Variants in SLC38A8 observed in about 807,000 individuals in gnomAD.
SLC38A8 encodes solute carrier family 38 member 8, also known as amino acid transporter SLC38A8.
In SLC38A8, 65 loss-of-function variants were observed where a neutral mutation model predicts 46.0. That is an observed-to-expected ratio of 1.41 (90% CI 1.16 to 1.74). The LOEUF is 1.74. Among genes scored for constraint, SLC38A8 ranks in the 40% most tolerant of loss-of-function variants. The pLI is 0.00. For missense variants in SLC38A8, 998 were observed against 567.9 expected (o/e 1.76, Z -7.70); for synonymous variants, 447 against 243.7 (o/e 1.83, Z -7.77).
At chr16:84,016,367 T>C (rs757782336) in intron 9 of SLC38A8, 152 bp downstream of exon 9, 160 of 781,846 alleles carry the variant, frequency 2.0e-4, no homozygotes, top group Non-Finnish European at 3.0e-4. Context: ...AGCCTGTGCC[T>C]GGCTCAATAA....
chr16:84,032,510 C>A lies in SLC38A8; in HGVS notation c.531-542G>T, dbSNP rs148328778. On this transcript the variant is annotated intron_variant, in intron 4 of 10. Coordinates refer to ENST00000299709, the MANE Select transcript of SLC38A8 (RefSeq NM_001080442.3). ...GTGTAGAATTCTTAATGGCACCCGG[C>A]GCCCTTCGGGATGGCAGCTGTAATA... Among the ~76,000 whole-genome samples, 163 of 152,304 alleles carry A rather than the reference C, an allele frequency of 1.1e-3. 6 individuals carry two copies. In the East Asian group the frequency reaches 0.03, roughly 28 times the overall value.
chr16:84,026,178 G>A (rs983931145), intron 6 of SLC38A8, among the ~76,000 whole-genome samples: 4 of 152,242 alleles, frequency 2.6e-5, no homozygotes, highest in Non-Finnish European at 4.4e-5. Flanking sequence ...TGGTGGGCAG[G>A]AGGGTGCCTC....
chr16:84,016,444 C>T, intron 9 of SLC38A8, 75 bp downstream of exon 9: 5 of 1,533,764 alleles, frequency 3.3e-6, no homozygotes, highest in East Asian at 2.3e-5. Flanking sequence ...ACCTTGACCT[C>T]CAACACTGGG....
chr16:84,023,699 G>C (rs540209995), intron 6 of SLC38A8, among the ~76,000 whole-genome samples: 2 of 152,186 alleles, frequency 1.3e-5, no homozygotes, highest in Non-Finnish European at 2.9e-5. Flanking sequence ...TTTGAGACCA[G>C]CCTGGCCAAC....
In SLC38A8 at chr16:84,016,737, A is replaced by G; in HGVS notation, c.954-10T>C. 6.2e-7 allele frequency: 1 copy of G among 1,608,902 alleles called. No homozygotes were observed. On this transcript the variant is annotated splice_polypyrimidine_tract_variant and intron_variant, in intron 8 of 10. Transcript: ENST00000299709. ...GTCCTGCATCACTGACCTGGAGGCC[A>G]CAGCCAACACAGACACATGGGCATC...
chr16:84,033,881 G>C (rs1319905363), intron 3 of SLC38A8, among the ~76,000 whole-genome samples: 2 of 152,224 alleles, frequency 1.3e-5, no homozygotes, highest in African/African-American at 4.8e-5. Context: ...TGCTGTGCAT[G>C]AGCATTGTAG....
chr16:84,014,310 G>T (rs913717882), intron 9 of SLC38A8, among the ~76,000 whole-genome samples: 1 of 143,040 alleles, frequency 7.0e-6, no homozygotes, highest in African/African-American at 2.6e-5. Context: ...CCTGAATAAG[G>T]AGCTGCGTGG....
At chr16:84,025,894 C>G (rs368477956) in intron 6 of SLC38A8, among the ~76,000 whole-genome samples, 124 of 152,342 alleles carry the variant, frequency 8.1e-4, no homozygotes, top group African/African-American at 2.9e-3. Flanking sequence ...TACAGGAGGG[C>G]TCTGCCAGCA....
At chr16:84,032,076 C>A in intron 4 of SLC38A8, 108 bp from the exon 5 acceptor site, 1 of 919,134 alleles carries the variant, frequency 1.1e-6, no homozygotes, top group Non-Finnish European at 1.7e-6. Flanking sequence ...CAATGAGGTG[C>A]TGGCCAAGCT....
At chr16:84,031,763 C>G in intron 5 of SLC38A8, 104 bp downstream of exon 5, 1 of 949,510 alleles carries the variant, frequency 1.1e-6, no homozygotes, top group East Asian at 2.4e-5. Flanking sequence ...GGAGCCCAGG[C>G]TCTGCAGTGA....
chr16:84,026,331 G>A (rs1050772159), intron 6 of SLC38A8, among the ~76,000 whole-genome samples: 2 of 152,174 alleles, frequency 1.3e-5, no homozygotes, highest in Non-Finnish European at 2.9e-5. Context: ...CTGGGTTCAA[G>A]GGATTCTGAT....
At chr16:84,023,663 G>C (rs925798612) in intron 6 of SLC38A8, among the ~76,000 whole-genome samples, 1 of 152,164 alleles carries the variant, frequency 6.6e-6, no homozygotes, top group Admixed American at 6.5e-5. Flanking sequence ...GGAGGCCGAA[G>C]GGGGCAGATC....
intron 10 of SLC38A8, among the ~76,000 whole-genome samples, chr16:84,011,577 G>T (rs558917108): frequency 4.5e-4 from 69 of 152,336 alleles, no homozygotes; most frequent in African/African-American, 1.4e-3. Context: ...GGGGTGAAGG[G>T]TGGCCCCCAA....
At chr16:84,015,161 G>A (rs987128294) in intron 9 of SLC38A8, among the ~76,000 whole-genome samples, 1 of 152,094 alleles carries the variant, frequency 6.6e-6, no homozygotes, top group Non-Finnish European at 1.5e-5. Flanking sequence ...ACGCACTGAG[G>A]GAGTCTCGAC....
At chr16:84,017,103 C>G (rs1470597218) in intron 8 of SLC38A8, 37 bp downstream of exon 8, 1 of 1,611,258 alleles carries the variant, frequency 6.2e-7, no homozygotes, top group Admixed American at 1.7e-5. Context: ...ATCAGCAGAC[C>G]ATGCTTCACG....
chr16:84,036,408 G>A (rs2085299593), intron 3 of SLC38A8, among the ~76,000 whole-genome samples: 1 of 152,230 alleles, frequency 6.6e-6, no homozygotes, highest in Non-Finnish European at 1.5e-5. Flanking sequence ...CTCAGAAGGA[G>A]CTGCTTGCTG....
chr16:84,022,993 G>T (rs369868745), intron 6 of SLC38A8, 104 bp from the exon 7 acceptor site: 280 of 761,142 alleles, frequency 3.7e-4, no homozygotes, highest in Non-Finnish European at 5.0e-4. Flanking sequence ...ATATGATGAG[G>T]TTTCTCTTGA....
At chr16:84,010,405 G>A (rs113614475) in intron 10 of SLC38A8, among the ~76,000 whole-genome samples, 6,842 of 152,012 alleles carry the variant, frequency 0.045, 208 homozygotes, top group South Asian at 0.1. Flanking sequence ...GATCCCACCT[G>A]TTATGTCATA....
At chr16:84,026,266 A>C (rs73247349) in intron 6 of SLC38A8, among the ~76,000 whole-genome samples, 1 of 152,054 alleles carries the variant, frequency 6.6e-6, no homozygotes, top group African/African-American at 2.4e-5. Flanking sequence ...GTCTCGCTCC[A>C]TCGCCCAGGC....
Sources: gnomAD v4.1 joint callset for allele counts (sites outside exome capture counted in the v4.1 genomes callset) on GRCh38, gnomAD v4.1.1 for gene constraint, MANE v1.5 for transcripts, NCBI Gene and HGNC (gene_info 2026-07-23, HGNC 2026-07-21) for gene names.